NFATC2IP: variants seen among roughly 807,000 people sequenced by gnomAD.
NFATC2IP encodes NFATC2-interacting protein.
A neutral mutation model predicts 40.2 loss-of-function variants in NFATC2IP; 25 were observed. That is an observed-to-expected ratio of 0.62 (90% CI 0.45 to 0.87). The LOEUF (loss-of-function observed/expected upper bound fraction) is 0.87. Among genes scored for constraint, NFATC2IP ranks in the 40% least tolerant of loss-of-function variants. The pLI is 0.00. For synonymous variants in NFATC2IP, 241 were observed against 236.3 expected (o/e 1.02, Z -0.18); for missense variants, 553 against 555.6 (o/e 1.00, Z 0.05).
intron 2 of NFATC2IP, 171 bp downstream of exon 2, chr16:28,952,375 T>C: frequency 9.6e-7 from 1 of 1,037,630 alleles, no homozygotes; most frequent in Non-Finnish European, 1.4e-6. Flanking sequence ...GCATAGAATG[T>C]ATTAATGTAT....
chr16:28,959,857 C>T (rs779801764), intron 7 of NFATC2IP, among the ~76,000 whole-genome samples: 5 of 152,108 alleles, frequency 3.3e-5, no homozygotes, highest in Non-Finnish European at 2.9e-5. Flanking sequence ...TGTGAGCCAC[C>T]GCGCCTGGCC....
At position 28,951,359 on chromosome 16, in the gene NFATC2IP, T is replaced by C. The variant is rs1053306169; in HGVS notation, c.348T>C (p.Asp116=). ...GGCGGCGGCGGCGGCTGGTGCTGGA[T>C]CCGGGGGAGGCGCCGCTGGTTCCGG... ...PVRRRRRLVL[D]PGEAPLVPVY... Residue 116 remains aspartate, a synonymous_variant, in exon 1 of 8, where the codon GAT becomes GAC. Coordinates refer to ENST00000320805, the MANE Select transcript of NFATC2IP (RefSeq NM_032815.4). 1 of 1,411,380 alleles carries C rather than the reference T, an allele frequency of 7.1e-7. No individual in the cohort carries two copies. Among genetic ancestry groups the C allele is most frequent in the East Asian group, 2.9e-5 (1 of 35,030 alleles). The allele number at this position is 1,411,380 out of a possible 1,614,324, so 87.4% of individuals were successfully genotyped here. A position where few individuals can be genotyped will look rare whatever the true frequency, so the allele number is the denominator to read the frequency against.
chr16:28,966,902 C>G lies in NFATC2IP; in HGVS notation c.*3039C>G, dbSNP rs773334187. 1 of 151,914 alleles carries G rather than the reference C, an allele frequency of 6.6e-6. No homozygotes were observed. Among genetic ancestry groups the G allele is most frequent in the Non-Finnish European group, 1.5e-5 (1 of 68,008 alleles). The allele number at this position is 151,914 out of a possible 1,614,324, so 9.4% of individuals were successfully genotyped here. ...ACCTTTCTCTAATATTTGCATGATTCTAATAAAAGTATGTCAACTTCTTAA... is the reference window on the plus strand; with the variant it reads ...ACCTTTCTCTAATATTTGCATGATTGTAATAAAAGTATGTCAACTTCTTAA... On this transcript the variant is annotated 3_prime_UTR_variant, in exon 8 of 8. Transcript: ENST00000320805.
At position 28,958,731 on chromosome 16, in the gene NFATC2IP, G is replaced by C; in HGVS notation, c.861G>C (p.Gln287His). ...CCCATCCCTAGTCGGAGCCCCTGCA[G>C]AGTGTGGTGGACCACATGGCCACCC... ...RLPLRMSEPL[Q>H]SVVDHMATHL... Residue 287 changes from glutamine to histidine, a missense_variant, in exon 6 of 8, where the codon CAG becomes CAC. Transcript: ENST00000320805. 1 of 1,612,852 alleles carries C rather than the reference G, an allele frequency of 6.2e-7. No homozygotes were observed. Among genetic ancestry groups the C allele is most frequent in the Non-Finnish European group, 8.5e-7 (1 of 1,179,512 alleles).
chr16:28,956,490 TCA>T (rs1382325906), intron 5 of NFATC2IP, 153 bp downstream of exon 5: 1 of 608,440 alleles, frequency 1.6e-6, no homozygotes. Flanking sequence ...TGTCCTGCCT[TCA>T]CACTTTTTGT....
rs1243435207 is a variant in NFATC2IP, at chr16:28,958,725, C to T, written c.855C>T (p.Pro285=). The change falls in exon 6 of 8, where the codon CCC becomes CCT. Residue 285 remains proline (P), a synonymous_variant. Transcript: ENST00000320805. The stretch of plus-strand genomic sequence containing the variant: ...GTTGTCCCCATCCCTAGTCGGAGCC[C>T]CTGCAGAGTGTGGTGGACCACATGG... ...LVRLPLRMSE[P]LQSVVDHMAT... is the part of the protein sequence containing the mutation. The T allele has an allele frequency of 6.2e-7, 1 of 1,612,044 alleles. No homozygotes were observed.
At chr16:28,961,546 T>G (rs1965087025) in intron 7 of NFATC2IP, among the ~76,000 whole-genome samples, 1 of 151,904 alleles carries the variant, frequency 6.6e-6, no homozygotes, top group Non-Finnish European at 1.5e-5. Flanking sequence ...AGCAAGTGTC[T>G]CTGAAGATAT....
At position 28,952,239 on chromosome 16, in the gene NFATC2IP, G is replaced by C. The variant is rs563959610; in HGVS notation, c.460+35G>C. On this transcript the variant is annotated intron_variant, in intron 2 of 7. Coordinates refer to ENST00000320805, the MANE Select transcript of NFATC2IP (RefSeq NM_032815.4). ...GGCCTCCAGGGAGAGGCACGCAGCC[G>C]CTGGCTTCTCTTAAGAGAATTCCTG... The C allele has an allele frequency of 4.3e-6, 7 of 1,611,978 alleles. No homozygotes were observed. In the East Asian group the frequency reaches 1.1e-4, roughly 26 times the overall value.
chr16:28,952,432 C>T (rs897926994), intron 2 of NFATC2IP: 17 of 615,762 alleles, frequency 2.8e-5, no homozygotes, highest in Middle Eastern at 4.4e-4. Context: ...TAGTCCTGGG[C>T]GGGGCAGGAG....
intron 7 of NFATC2IP, among the ~76,000 whole-genome samples, chr16:28,961,736 T>TA: frequency 1.3e-5 from 2 of 151,618 alleles, no homozygotes; most frequent in East Asian, 1.9e-4. Context: ...CTGTCTCTAC[T>TA]AAAAATACAA....
At chr16:28,952,364 AG>A in intron 2 of NFATC2IP, 160 bp downstream of exon 2, 1 of 1,135,538 alleles carries the variant, frequency 8.8e-7, no homozygotes, top group Non-Finnish European at 1.2e-6. Context: ...ATTGTTAACA[AG>A]CATAGAATGT....
In NFATC2IP at chr16:28,959,031, G is replaced by A. The variant is rs780766269; in HGVS notation, c.1032G>A (p.Thr344=). The A allele has an allele frequency of 4.5e-5, 73 of 1,613,912 alleles. No individual in the cohort carries two copies. The highest frequency in any genetic ancestry group is 5.8e-5 in the Non-Finnish European group (69 of 1,179,944). ...VLTSSPEATE[T]SQQLQLRVQG... The stretch of plus-strand genomic sequence containing the variant: ...CAAGTTCTCCAGAGGCCACAGAGAC[G>A]TCCCAACAGCTCCAGCTCCGGGTGC... Residue 344 remains threonine (T), a synonymous_variant, in exon 7 of 8, where the codon ACG becomes ACA. Coordinates refer to ENST00000320805, the MANE Select transcript of NFATC2IP (RefSeq NM_032815.4).
intron 2 of NFATC2IP, among the ~76,000 whole-genome samples, chr16:28,953,007 A>G (rs910009135): frequency 6.6e-6 from 1 of 151,958 alleles, no homozygotes; most frequent in Non-Finnish European, 1.5e-5. Context: ...AATTGCTGGG[A>G]TTACAGGCGT....
chr16:28,961,325 G>GAAA (rs138576594), intron 7 of NFATC2IP, among the ~76,000 whole-genome samples: 4 of 52,200 alleles, frequency 7.7e-5, no homozygotes, highest in African/African-American at 1.6e-4. Flanking sequence ...GACCCTATCT[G>GAAA]AAAAAAAAAA....
rs368112088 is a variant in NFATC2IP, at chr16:28,958,714, T to C, written c.847-3T>C. 12 of 1,606,588 alleles carry C rather than the reference T, an allele frequency of 7.5e-6. No individual in the cohort carries two copies. In the African/African-American group the frequency reaches 1.6e-4, roughly 22 times the overall value. On this transcript the variant is annotated splice_region_variant and splice_polypyrimidine_tract_variant and intron_variant, in intron 5 of 7. Transcript: ENST00000320805. ...CTCTTTTGCTTGTTGTCCCCATCCC[T>C]AGTCGGAGCCCCTGCAGAGTGTGGT...
Position 28,963,053 on chromosome 16 carries a change from G to A in NFATC2IP, c.1102-652G>A, listed in dbSNP as rs531567148. ...AAAACTTAGCTGGGTGTGGTGGCCTGTGCCTGTAGTTGCAGCTACTCAGGA... is the reference window on the plus strand; with the variant it reads ...AAAACTTAGCTGGGTGTGGTGGCCTATGCCTGTAGTTGCAGCTACTCAGGA... On this transcript the variant is annotated intron_variant, in intron 7 of 7. Coordinates refer to ENST00000320805, the MANE Select transcript of NFATC2IP (RefSeq NM_032815.4). 5.3e-4 allele frequency among the ~76,000 whole-genome samples: 80 copies of A among 152,308 alleles called. 1 individual carries two copies. The highest frequency in any genetic ancestry group is 1.7e-3 in the African/African-American group (70 of 41,562).
Position 28,951,290 on chromosome 16 carries a change from A to G in NFATC2IP, c.279A>G (p.Glu93=). Reference sequence around the variant, plus strand: ...GGGATAACAGCAACAGTGACAGCGAAGGGGAGGACAGGCGGCCCGCAGGAC... The same window carrying G: ...GGGATAACAGCAACAGTGACAGCGAGGGGGAGGACAGGCGGCCCGCAGGAC... ...ASRDNSNSDS[E]GEDRRPAGPP... Residue 93 remains glutamate, a synonymous_variant, in exon 1 of 8, where the codon GAA becomes GAG. Transcript: ENST00000320805. 7.0e-7 allele frequency: 1 copy of G among 1,431,686 alleles called. No homozygotes were observed. Among genetic ancestry groups the G allele is most frequent in the Non-Finnish European group, 9.2e-7 (1 of 1,087,718 alleles). The allele number at this position is 1,431,686 out of a possible 1,614,324, so 88.7% of individuals were successfully genotyped here.
Position 28,963,988 on chromosome 16 carries a change from T to G in NFATC2IP, c.*125T>G. The G allele has an allele frequency of 1.1e-6, 1 of 899,922 alleles. No individual in the cohort carries two copies. The highest frequency in any genetic ancestry group is 1.7e-6 in the Non-Finnish European group (1 of 594,598). 55.7% of individuals were successfully genotyped at this position (899,922 alleles called of 1,614,324 possible). ...TTTAAGCTGCAGCAAAATCAAGGAG[T>G]GACTTTTGTCCCCTCTCCTGTTGAC... is the stretch of plus-strand genomic sequence containing the variant. On this transcript the variant is annotated 3_prime_UTR_variant, in exon 8 of 8. Coordinates refer to ENST00000320805, the MANE Select transcript of NFATC2IP (RefSeq NM_032815.4).
intron 1 of NFATC2IP, 79 bp downstream of exon 1, chr16:28,951,477 G>T: frequency 7.5e-7 from 1 of 1,329,234 alleles, no homozygotes; most frequent in Non-Finnish European, 9.7e-7. Context: ...TTCGGGGAGG[G>T]TAGGGCTATA....
Sources: allele counts gnomAD v4.1 joint callset (sites outside exome capture counted in the v4.1 genomes callset), GRCh38; gene constraint gnomAD v4.1.1; transcripts MANE v1.5; gene names NCBI Gene and HGNC (gene_info 2026-07-23, HGNC 2026-07-21).